SIPA1L1: variants seen among roughly 807,000 people sequenced by gnomAD.
SIPA1L1 encodes the protein signal-induced proliferation-associated 1-like protein 1.
SIPA1L1 carries 26 observed loss-of-function variants against 162.7 expected under a neutral mutation model. The observed-to-expected ratio is 0.16, with a 90% CI of 0.12 to 0.22. SIPA1L1 has a LOEUF of 0.22. Among genes scored for constraint, SIPA1L1 ranks in the 10% least tolerant of loss-of-function variants. The pLI is 1.00. For synonymous variants in SIPA1L1, 829 were observed against 837.4 expected (o/e 0.99, Z 0.17); for missense variants, 1,874 against 2,241.0 (o/e 0.84, Z 3.31).
chr14:71,676,610 T>C (rs1379507205), intron 12 of SIPA1L1, among the ~76,000 whole-genome samples: 3 of 144,258 alleles, frequency 2.1e-5, no homozygotes, highest in Non-Finnish European at 1.5e-5. Context: ...TATCTCCTAA[T>C]GCTATCCCTC....
intron 2 of SIPA1L1, chr14:71,330,538 A>G (rs1486494214): frequency 6.8e-7 from 1 of 1,478,054 alleles, no homozygotes; most frequent in Admixed American, 1.7e-5. Flanking sequence ...CACCTTGGAG[A>G]TGAAGATGCC....
In SIPA1L1 at chr14:71,524,416, C is replaced by CT. The variant is rs553816062; in HGVS notation, c.-361-4889dup. ...TATACTGGTTGATGTTAATTGTTTG[C>CT]TTTTTTTATTTCGGGAAACATTACC... On this transcript the variant is annotated intron_variant, in intron 3 of 23. Coordinates refer to ENST00000381232, the MANE Select transcript of SIPA1L1 (RefSeq NM_001386936.1). Among the ~76,000 whole-genome samples the CT allele has an allele frequency of 4.6e-5, 7 of 152,194 alleles. No homozygotes were observed. The South Asian group carries it at 1.2e-3, about 27-fold the overall frequency.
intron 5 of SIPA1L1, among the ~76,000 whole-genome samples, chr14:71,608,685 A>G (rs936615485): frequency 2.6e-5 from 4 of 152,156 alleles, no homozygotes; most frequent in Non-Finnish European, 5.9e-5. Flanking sequence ...TCACGAGGTC[A>G]GGGGTTCGAG....
chr14:71,445,821 C>T (rs2045303192), intron 2 of SIPA1L1, among the ~76,000 whole-genome samples: 1 of 152,110 alleles, frequency 6.6e-6, no homozygotes, highest in Non-Finnish European at 1.5e-5. Flanking sequence ...TTAATTGAAA[C>T]CACATTGTTA....
chr14:71,427,901 GT>G (rs1230225761), intron 2 of SIPA1L1, among the ~76,000 whole-genome samples: 7 of 151,764 alleles, frequency 4.6e-5, no homozygotes, highest in Non-Finnish European at 7.4e-5. Flanking sequence ...TTCAGGGTCA[GT>G]TTTTAATTTA....
chr14:71,539,366 A>G (rs1380871800), intron 4 of SIPA1L1, among the ~76,000 whole-genome samples: 1 of 152,174 alleles, frequency 6.6e-6, no homozygotes, highest in Non-Finnish European at 1.5e-5. Context: ...GCTGCTTTTG[A>G]CAATACTGTT....
intron 1 of SIPA1L1, among the ~76,000 whole-genome samples, chr14:71,320,802 G>C (rs1205941704): frequency 6.6e-6 from 1 of 151,894 alleles, no homozygotes; most frequent in Non-Finnish European, 1.5e-5. Flanking sequence ...TTCTGCTGGC[G>C]GGCGGGATGG....
chr14:71,706,943 G>C (rs1353263703), intron 16 of SIPA1L1, among the ~76,000 whole-genome samples: 8 of 151,508 alleles, frequency 5.3e-5, no homozygotes, highest in African/African-American at 1.9e-4. Flanking sequence ...TGTGAGACAG[G>C]AGAACCGCTT....
At chr14:71,608,904 A>G (rs2037851614) in intron 5 of SIPA1L1, among the ~76,000 whole-genome samples, 1 of 152,198 alleles carries the variant, frequency 6.6e-6, no homozygotes, top group Non-Finnish European at 1.5e-5. Flanking sequence ...AAAACAAAAC[A>G]AAACAAAAAC....
At chr14:71,555,614 G>A (rs753349019) in intron 4 of SIPA1L1, among the ~76,000 whole-genome samples, 29 of 152,102 alleles carry the variant, frequency 1.9e-4, no homozygotes, top group Non-Finnish European at 2.6e-4. Context: ...TGGCTAACTG[G>A]TACAATCCTA....
chr14:71,419,392 T>G (rs1199157136), intron 2 of SIPA1L1, among the ~76,000 whole-genome samples: 1 of 151,422 alleles, frequency 6.6e-6, no homozygotes, highest in Non-Finnish European at 1.5e-5. Flanking sequence ...CTTTCAGGGC[T>G]GTTCTGGCCT....
At chr14:71,668,489 G>C (rs2044227808) in intron 10 of SIPA1L1, among the ~76,000 whole-genome samples, 1 of 152,196 alleles carries the variant, frequency 6.6e-6, no homozygotes, top group Admixed American at 6.5e-5. Context: ...CACCTTCCTG[G>C]TCGCTCAGTG....
intron 10 of SIPA1L1, among the ~76,000 whole-genome samples, chr14:71,670,662 G>C (rs2044424187): frequency 6.6e-6 from 1 of 152,100 alleles, no homozygotes; most frequent in African/African-American, 2.4e-5. Flanking sequence ...AATGTAAGCT[G>C]TCTGCTTATA....
chr14:71,354,226 GA>G (rs2037004733), intron 2 of SIPA1L1, among the ~76,000 whole-genome samples: 1 of 150,596 alleles, frequency 6.6e-6, no homozygotes, highest in Non-Finnish European at 1.5e-5. Flanking sequence ...CATGATAAAC[GA>G]AAAATTAAAG....
chr14:71,350,180 G>A (rs1245307920), intron 2 of SIPA1L1, among the ~76,000 whole-genome samples: 5 of 151,956 alleles, frequency 3.3e-5, no homozygotes, highest in Non-Finnish European at 7.4e-5. Flanking sequence ...GATTATAGGC[G>A]TGAGCCACCG....
intron 12 of SIPA1L1, among the ~76,000 whole-genome samples, chr14:71,684,368 C>G (rs1468801875): frequency 6.6e-6 from 1 of 152,240 alleles, no homozygotes; most frequent in Non-Finnish European, 1.5e-5. Flanking sequence ...TATGTAAACC[C>G]TTCCACTTTG....
Position 71,588,369 on chromosome 14 carries a change from C to T in SIPA1L1, c.497C>T (p.Ala166Val). The T allele has an allele frequency of 2.5e-6, 4 of 1,613,976 alleles. No individual in the cohort carries two copies. The highest frequency in any genetic ancestry group is 3.4e-6 in the Non-Finnish European group (4 of 1,179,996). ...GCCTACCCCAGCTCCCCCAGAAAAG[C>T]TCTTCGCAGAATACGCCAGCGAAGC... ...PEAYPSSPRK[A>V]LRRIRQRSNS... Residue 166 changes from alanine to valine, a missense_variant, in exon 5 of 24, where the codon GCT becomes GTT. By Grantham distance (64) the Ala-to-Val change is moderately conservative. Coordinates refer to ENST00000381232, the MANE Select transcript of SIPA1L1 (RefSeq NM_001386936.1). This position sits in a 1 kb window ranked among gnomAD's most constrained non-coding sequence, Gnocchi z 4.3.
chr14:71,436,403 T>C lies in SIPA1L1; in HGVS notation c.-464-76340T>C, dbSNP rs563325855. On this transcript the variant is annotated intron_variant, in intron 2 of 23. Transcript: ENST00000381232. Reference sequence around the variant, plus strand: ...TTTTAATACTTTGTGGGGTTTTATGTTTAAGACTTTAAATCAATTTGGGAT... The same window carrying C: ...TTTTAATACTTTGTGGGGTTTTATGCTTAAGACTTTAAATCAATTTGGGAT... Among the ~76,000 whole-genome samples the C allele has an allele frequency of 2.0e-5, 3 of 152,304 alleles. No homozygotes were observed. The South Asian group carries it at 6.2e-4, about 32-fold the overall frequency.
chr14:71,736,099 C>CT (rs1231279319), intron 22 of SIPA1L1, among the ~76,000 whole-genome samples: 1 of 152,206 alleles, frequency 6.6e-6, no homozygotes, highest in Non-Finnish European at 1.5e-5. Flanking sequence ...AATCTCTTCC[C>CT]TTAAAACCCT....
Sources: allele counts gnomAD v4.1 joint callset (sites outside exome capture counted in the v4.1 genomes callset), GRCh38; gene constraint gnomAD v4.1.1; non-coding constraint Gnocchi (gnomAD v3.1); transcripts MANE v1.5; gene names NCBI Gene and HGNC (gene_info 2026-07-23, HGNC 2026-07-21).